The following SHD variants were observed in gnomAD, a reference collection of about 807,000 sequenced individuals.
SHD encodes Src homology 2 domain containing transforming protein D.
SHD carries 29 observed loss-of-function variants against 31.2 expected under a neutral mutation model. The ratio of observed to expected loss-of-function variants is 0.93; its 90% CI spans 0.69 to 1.27. The LOEUF (loss-of-function observed/expected upper bound fraction) is 1.27. SHD is among the 50% of genes most tolerant of loss of function. The probability of loss-of-function intolerance (pLI) is 0.00; values close to 1 mark genes in which losing one functional copy is unlikely to be tolerated. For synonymous variants in SHD, 208 were observed against 187.8 expected, an observed-to-expected ratio of 1.11 and a Z score of -0.88; for missense variants, 520 against 453.8, an observed-to-expected ratio of 1.15 and a Z score of -1.33.
Position 4,285,554 on chromosome 19 carries a change from TCCTC to T in SHD, c.716+665_716+668del, listed in dbSNP as rs370991421. On this transcript the variant is annotated intron_variant, in intron 4 of 5. Coordinates refer to ENST00000543264, the MANE Select transcript of SHD (RefSeq NM_020209.4). ...GATTGTTCTCTTTTTTTCTTTCTCT[TCCTC>T]CCTCCCTCCCTCCCCGAGTCTTGCT... Among the ~76,000 whole-genome samples the T allele has an allele frequency of 7.3e-5, 11 of 151,680 alleles. No homozygotes were observed. In the East Asian group the frequency reaches 1.2e-3, roughly 16 times the overall value.
At chr19:4,286,253 T>C (rs1159997269) in intron 4 of SHD, among the ~76,000 whole-genome samples, 1 of 115,232 alleles carries the variant, frequency 8.7e-6, no homozygotes, top group South Asian at 2.9e-4. Context: ...CTTTCTTTCT[T>C]TCTTTCTCTC....
chr19:4,283,031 G>A, intron 2 of SHD, 23 bp from the exon 3 acceptor site: 2 of 1,613,874 alleles, frequency 1.2e-6, no homozygotes, highest in African/African-American at 1.3e-5. Context: ...AGCAGGAGCT[G>A]AACAGTGTCC....
At chr19:4,284,705 T>G (rs1442727703) in intron 3 of SHD, 76 bp from the exon 4 acceptor site, 2 of 1,372,798 alleles carry the variant, frequency 1.5e-6, no homozygotes, top group African/African-American at 1.5e-5. Context: ...TCTACCGAGA[T>G]TCCATTGGCT....
At chr19:4,282,756 A>T in intron 1 of SHD, 114 bp from the exon 2 acceptor site, 1 of 482,374 alleles carries the variant, frequency 2.1e-6, no homozygotes. Flanking sequence ...TAATAAAAAA[A>T]TAAAAACTCT....
chr19:4,289,283 T>G (rs1045449674), intron 5 of SHD, among the ~76,000 whole-genome samples: 4 of 150,380 alleles, frequency 2.7e-5, no homozygotes, highest in African/African-American at 9.8e-5. Context: ...GCTAATTTTT[T>G]TGTATTTTTA....
chr19:4,279,924 A>G lies in SHD; in HGVS notation c.-140A>G. On this transcript the variant is annotated 5_prime_UTR_variant, in exon 1 of 6. Coordinates refer to ENST00000543264, the MANE Select transcript of SHD (RefSeq NM_020209.4). The surrounding 1 kb of genome is among the most constrained non-coding windows in gnomAD (Gnocchi z 7.5). ...CCTCTATCCATCCAGAGCCCCGCCA[A>G]AGGGCGCACCTGATCTTTCTCATCC... The G allele has an allele frequency of 9.4e-7, 1 of 1,065,692 alleles. No individual in the cohort carries two copies. Among genetic ancestry groups the G allele is most frequent in the Non-Finnish European group, 1.3e-6 (1 of 751,996 alleles). The allele number at this position is 1,065,692 out of a possible 1,614,324, so 66.0% of individuals were successfully genotyped here.
Position 4,283,146 on chromosome 19 carries a change from C to G in SHD, c.496C>G (p.Arg166Gly). ...ADGPPSGQKPRQSRMPQEDER... is the reference protein window; with the variant it reads ...ADGPPSGQKPGQSRMPQEDER... ...TGGACCCCCTTCTGGGCAGAAGCCT[C>G]GGCAGAGCCGGATGCCCCAGGAAGA... The change falls in exon 3 of 6, where the codon CGG (arginine) becomes GGG (glycine). Residue 166 changes from arginine to glycine, a missense_variant. Transcript: ENST00000543264. 1 of 1,614,122 alleles carries G rather than the reference C, an allele frequency of 6.2e-7. No individual in the cohort carries two copies. The highest frequency in any genetic ancestry group is 8.5e-7 in the Non-Finnish European group (1 of 1,180,044).
Position 4,288,233 on chromosome 19 carries a change from T to C in SHD, c.717-10T>C. 1.2e-6 allele frequency: 2 copies of C among 1,612,636 alleles called. No homozygotes were observed. Among genetic ancestry groups the C allele is most frequent in the Non-Finnish European group, 1.7e-6 (2 of 1,179,256 alleles). ...TGGCCCTTGATGAGACATCTGTCCA[T>C]ACTCGCTAGGTGGTTTCATGGCCCC... On this transcript the variant is annotated splice_polypyrimidine_tract_variant and intron_variant, in intron 4 of 5. Coordinates refer to ENST00000543264, the MANE Select transcript of SHD (RefSeq NM_020209.4).
rs1478905369 is a variant in SHD, at chr19:4,280,057, C to G, written c.-7C>G. 9.4e-6 allele frequency: 15 copies of G among 1,590,084 alleles called. No individual in the cohort carries two copies. The highest frequency in any genetic ancestry group is 1.3e-5 in the Non-Finnish European group (15 of 1,169,434). On this transcript the variant is annotated 5_prime_UTR_variant, in exon 1 of 6. Transcript: ENST00000543264. ...ACAGTGGCCCGATTGGGGTGACAGG[C>G]GCCCAAATGGCCAAGTGGCTACGGG...
intron 5 of SHD, 86 bp downstream of exon 5, chr19:4,288,448 T>G: frequency 5.8e-6 from 8 of 1,388,666 alleles, no homozygotes; most frequent in African/African-American, 1.5e-5. Context: ...GGGGAGGGTG[T>G]GGCTCCCGCA....
intron 3 of SHD, among the ~76,000 whole-genome samples, chr19:4,284,052 C>G (rs1432758814): frequency 6.6e-6 from 1 of 151,142 alleles, no homozygotes; most frequent in Non-Finnish European, 1.5e-5. Flanking sequence ...GCCTGTAATC[C>G]CAGCACTTTG....
intron 5 of SHD, among the ~76,000 whole-genome samples, chr19:4,289,103 A>ATTTTTTTTTTT (rs71166980): frequency 1.3e-5 from 1 of 77,362 alleles, no homozygotes; most frequent in Admixed American, 1.9e-4. Context: ...TGCCCAGCTA[A>ATTTTTTTTTTT]TTTTTTTTTT....
Position 4,290,484 on chromosome 19 carries a change from A to C in SHD, c.874A>C (p.Thr292Pro), listed in dbSNP as rs570121465. 5 of 1,613,078 alleles carry C rather than the reference A, an allele frequency of 3.1e-6. No homozygotes were observed. The East Asian group carries it at 1.1e-4, about 36-fold the overall frequency. The change falls in exon 6 of 6, where the codon ACC (threonine) becomes CCC (proline). Residue 292 changes from threonine to proline, a missense_variant. Thr to Pro is a conservative substitution (Grantham distance 38). Transcript: ENST00000543264. ...QGFLHLKFAR[T>P]RENQVVLGQH... ...CTTCCTGCATCTGAAGTTCGCGCGG[A>C]CCCGTGAGAACCAGGTGGTGCTGGG...
At chr19:4,285,887 TTC>T (rs1448663778) in intron 4 of SHD, among the ~76,000 whole-genome samples, 33 of 120,898 alleles carry the variant, frequency 2.7e-4, no homozygotes, top group Non-Finnish European at 4.5e-4. Flanking sequence ...TTCTTTTCCT[TTC>T]TTTTTTTTTT....
intron 1 of SHD, 136 bp from the exon 2 acceptor site, chr19:4,282,734 T>C (rs1194429598): frequency 5.7e-6 from 2 of 353,946 alleles, no homozygotes; most frequent in East Asian, 1.1e-4. Flanking sequence ...AAAATAAAAA[T>C]AAATAAATAA....
rs148238664 is a variant in SHD, at chr19:4,290,495, C to G, written c.885C>G (p.Asn295Lys). The change falls in exon 6 of 6, where the codon AAC becomes AAG. Residue 295 changes from asparagine (N) to lysine (K), a missense_variant. Asn to Lys is a moderately conservative substitution (Grantham distance 94). Coordinates refer to ENST00000543264, the MANE Select transcript of SHD (RefSeq NM_020209.4). ...TGAAGTTCGCGCGGACCCGTGAGAA[C>G]CAGGTGGTGCTGGGCCAACACAGCG... is the stretch of plus-strand genomic sequence containing the variant. ...LHLKFARTRE[N>K]QVVLGQHSGP... is the part of the protein sequence containing the mutation. 1.2e-6 allele frequency: 2 copies of G among 1,613,444 alleles called. No homozygotes were observed. Among genetic ancestry groups the G allele is most frequent in the Non-Finnish European group, 1.7e-6 (2 of 1,179,994 alleles).
chr19:4,280,022 G>A lies in SHD; in HGVS notation c.-42G>A. The A allele has an allele frequency of 3.3e-6, 5 of 1,532,092 alleles. No homozygotes were observed. Among genetic ancestry groups the A allele is most frequent in the Non-Finnish European group, 4.4e-6 (5 of 1,142,028 alleles). The allele number at this position is 1,532,092 out of a possible 1,614,324, so 94.9% of individuals were successfully genotyped here. ...AGGGGCCCGGAGAAGGGCATGTGGGGGCCCCTCTGACAGTGGCCCGATTGG... is the reference window on the plus strand; with the variant it reads ...AGGGGCCCGGAGAAGGGCATGTGGGAGCCCCTCTGACAGTGGCCCGATTGG... On this transcript the variant is annotated 5_prime_UTR_variant, in exon 1 of 6. Coordinates refer to ENST00000543264, the MANE Select transcript of SHD (RefSeq NM_020209.4).
At chr19:4,283,859 G>C (rs184844715) in intron 3 of SHD, among the ~76,000 whole-genome samples, 1 of 151,292 alleles carries the variant, frequency 6.6e-6, no homozygotes, top group African/African-American at 2.4e-5. Flanking sequence ...ATTACAGGCA[G>C]GAGCCACCGC....
At chr19:4,285,885 C>CTTTT (rs1281829648) in intron 4 of SHD, among the ~76,000 whole-genome samples, 1 of 93,920 alleles carries the variant, frequency 1.1e-5, no homozygotes, top group Non-Finnish European at 2.1e-5. Flanking sequence ...TTTTCTTTTC[C>CTTTT]TTTCTTTTTT....
Sources: gnomAD v4.1 joint callset for allele counts (sites outside exome capture counted in the v4.1 genomes callset) on GRCh38, gnomAD v4.1.1 for gene constraint, Gnocchi (gnomAD v3.1) non-coding constraint, MANE v1.5 for transcripts, NCBI Gene and HGNC (gene_info 2026-07-23, HGNC 2026-07-21) for gene names.